Variants in USP42 observed in about 807,000 individuals in gnomAD.
USP42 encodes ubiquitin carboxyl-terminal hydrolase 42.
Under a neutral mutation model 113.0 loss-of-function variants are expected in USP42, and 23 were observed. The ratio of observed to expected loss-of-function variants is 0.20; its 90% CI spans 0.15 to 0.29. The LOEUF is 0.29. Ranked by LOEUF, USP42 falls within the 10% of genes least tolerant of loss-of-function variation. The pLI, the probability that USP42 is intolerant of heterozygous loss-of-function variation, is 1.00. For missense variants in USP42, 2,174 were observed against 1,779.8 expected (o/e 1.22, Z -3.99); for synonymous variants, 933 against 699.0 (o/e 1.33, Z -5.28).
chr7:6,106,731 AT>A (rs72032655), intron 1 of USP42, among the ~76,000 whole-genome samples: 11,388 of 145,850 alleles, frequency 0.078, 1,379 homozygotes, highest in African/African-American at 0.26. Flanking sequence ...CACCCAGCTA[AT>A]TTTTTTTTTT....
chr7:6,112,014 A>T (rs1299999448), intron 2 of USP42: 1 of 152,304 alleles, frequency 6.6e-6, no homozygotes, highest in Non-Finnish European at 1.5e-5. Context: ...CTAGTTTCCT[A>T]AGTAGATGAC....
At chr7:6,138,645 G>T (rs1169253503) in intron 4 of USP42, among the ~76,000 whole-genome samples, 22 of 152,204 alleles carry the variant, frequency 1.4e-4, no homozygotes, top group Admixed American at 1.4e-3. Flanking sequence ...TAGGAACTGG[G>T]CTGCACAGCA....
chr7:6,124,329 G>A (rs1411379504), intron 3 of USP42, among the ~76,000 whole-genome samples: 6 of 151,922 alleles, frequency 3.9e-5, no homozygotes, highest in African/African-American at 7.3e-5. Context: ...GTGCAGTGGC[G>A]CGATCTCGGC....
the USP42 span, among the ~76,000 whole-genome samples, chr7:6,088,494 G>A: frequency 6.6e-6 from 1 of 151,166 alleles, no homozygotes; most frequent in South Asian, 2.1e-4. Flanking sequence ...CTGAGTTCAG[G>A]TGATCACCCG....
Position 6,154,611 on chromosome 7 carries a change from C to T in USP42, c.3057C>T (p.His1019=). 1 of 1,591,764 alleles carries T rather than the reference C, an allele frequency of 6.3e-7. No homozygotes were observed. The highest frequency in any genetic ancestry group is 8.5e-7 in the Non-Finnish European group (1 of 1,171,166). ...GCCGCTCTCTGGGCAGGTGCAGTCA[C>T]CACCACTCCCGACACCGGAGCGGGG... The part of the protein sequence containing the change: ...GERRSLGRCS[H]HHSRHRSGVE... The change falls in exon 15 of 18, where the codon CAC becomes CAT. Residue 1019 remains histidine, a synonymous_variant. Coordinates refer to ENST00000306177, the MANE Select transcript of USP42 (RefSeq NM_032172.3).
intron 3 of USP42, among the ~76,000 whole-genome samples, chr7:6,129,529 G>A (rs537603102): frequency 3.7e-4 from 53 of 143,916 alleles, no homozygotes; most frequent in African/African-American, 1.4e-3. Context: ...TGCACTCCAG[G>A]CTGGGTGACA....
intron 1 of USP42, among the ~76,000 whole-genome samples, chr7:6,106,207 C>T (rs1779267188): frequency 6.6e-6 from 1 of 152,102 alleles, no homozygotes; most frequent in Admixed American, 6.6e-5. Flanking sequence ...TAAGGCCAGT[C>T]GTTTGGTTTA....
chr7:6,089,976 G>A, the USP42 span, among the ~76,000 whole-genome samples: 2 of 150,590 alleles, frequency 1.3e-5, no homozygotes, highest in East Asian at 2.0e-4. Flanking sequence ...ACTCCAGCCT[G>A]GGCGACAGAG....
the USP42 span, among the ~76,000 whole-genome samples, chr7:6,092,184 T>C: frequency 7.0e-6 from 1 of 141,900 alleles, no homozygotes; most frequent in Admixed American, 7.1e-5. Flanking sequence ...TTCTCTTTTT[T>C]TTTTTTTTTT....
upstream of USP42, chr7:6,104,843 C>G (rs1014050586): frequency 6.7e-6 from 1 of 148,234 alleles, no homozygotes; most frequent in African/African-American, 2.4e-5. Context: ...TGGGCGGCGG[C>G]GCGTTCGGGC....
chr7:6,090,244 G>C, the USP42 span, among the ~76,000 whole-genome samples: 8 of 141,704 alleles, frequency 5.6e-5, no homozygotes, highest in South Asian at 1.8e-3. Flanking sequence ...AGGTTGCAGT[G>C]AACCGAGATC....
intron 1 of USP42, among the ~76,000 whole-genome samples, chr7:6,105,488 C>A (rs980175334): frequency 3.4e-5 from 3 of 87,524 alleles, no homozygotes; most frequent in Admixed American, 1.2e-4. Context: ...CCCCGCGTGG[C>A]TGCCACCTCC....
intron 14 of USP42, among the ~76,000 whole-genome samples, chr7:6,153,286 A>G (rs1782178546): frequency 6.9e-6 from 1 of 144,846 alleles, no homozygotes; most frequent in South Asian, 2.2e-4. Context: ...AAAAAACAAA[A>G]CAAAATGAAA....
intron 4 of USP42, among the ~76,000 whole-genome samples, chr7:6,136,834 G>A (rs1279439494): frequency 6.9e-6 from 1 of 145,096 alleles, no homozygotes; most frequent in East Asian, 2.0e-4. Context: ...AAGTGAGACT[G>A]TGTCTCACTG....
At chr7:6,133,145 T>C (rs1432046117) in intron 3 of USP42, among the ~76,000 whole-genome samples, 1 of 152,238 alleles carries the variant, frequency 6.6e-6, no homozygotes, top group African/African-American at 2.4e-5. Context: ...GAAAACTTAA[T>C]AACTTTTTTG....
chr7:6,094,522 A>G, the USP42 span, among the ~76,000 whole-genome samples: 4 of 151,298 alleles, frequency 2.6e-5, no homozygotes, highest in Non-Finnish European at 5.9e-5. Context: ...AAGAACTCCA[A>G]AGGATGGAGT....
intron 14 of USP42, among the ~76,000 whole-genome samples, chr7:6,152,422 C>T (rs1782121106): frequency 6.6e-6 from 1 of 152,194 alleles, no homozygotes; most frequent in Admixed American, 6.5e-5. Context: ...TTTACCCGCA[C>T]GGTTGTTGGC....
At chr7:6,091,323 C>T in the USP42 span, among the ~76,000 whole-genome samples, 1 of 150,792 alleles carries the variant, frequency 6.6e-6, no homozygotes, top group Non-Finnish European at 1.5e-5. Context: ...CTCCTGGTCT[C>T]AAGCGATCCT....
intron 12 of USP42, among the ~76,000 whole-genome samples, chr7:6,149,234 C>T (rs1200443027): frequency 6.6e-6 from 1 of 152,168 alleles, no homozygotes; most frequent in African/African-American, 2.4e-5. Context: ...TGGCACTCTG[C>T]ATCAGCGAGC....
Sources: allele counts gnomAD v4.1 joint callset (sites outside exome capture counted in the v4.1 genomes callset), GRCh38; gene constraint gnomAD v4.1.1; transcripts MANE v1.5; gene names NCBI Gene and HGNC (gene_info 2026-07-23, HGNC 2026-07-21).